FRMD5: variants seen among roughly 807,000 people sequenced by gnomAD.
FRMD5 encodes the protein FERM domain-containing protein 5.
FRMD5 carries 20 observed loss-of-function variants against 69.0 expected under a neutral mutation model. The observed-to-expected ratio is 0.29, with a 90% confidence interval of 0.20 to 0.42. FRMD5 has a LOEUF of 0.42. Among genes scored for constraint, FRMD5 ranks in the 10% least tolerant of loss-of-function variants. FRMD5 has a pLI of 1.00. For missense variants in FRMD5, 595 were observed against 708.6 expected, an observed-to-expected ratio of 0.84 and a Z score of 1.82; for synonymous variants, 271 against 260.1, an observed-to-expected ratio of 1.04 and a Z score of -0.40.
intron 1 of FRMD5, among the ~76,000 whole-genome samples, chr15:44,143,183 G>A (rs560722376): frequency 1.3e-5 from 2 of 152,222 alleles, no homozygotes; most frequent in African/African-American, 4.8e-5. Flanking sequence ...AAAACATGGG[G>A]CACCTATCCC....
intron 1 of FRMD5, among the ~76,000 whole-genome samples, chr15:44,089,689 CCAGAT>C (rs535241027): frequency 1.8e-4 from 28 of 151,874 alleles, no homozygotes; most frequent in Non-Finnish European, 3.5e-4. Context: ...GGCAACAGAG[CCAGAT>C]CCTACGTCAA....
chr15:44,115,608 A>C (rs2076857232), intron 1 of FRMD5, among the ~76,000 whole-genome samples: 1 of 152,234 alleles, frequency 6.6e-6, no homozygotes, highest in Non-Finnish European at 1.5e-5. Context: ...TTATGCACAT[A>C]ACTGAACCCC....
At position 43,891,820 on chromosome 15, in the gene FRMD5, A is replaced by C. The variant is rs138754661; in HGVS notation, c.728+161T>G. On this transcript the variant is annotated intron_variant, in intron 8 of 13. Transcript: ENST00000417257. Reference sequence around the variant, plus strand: ...ACCCCTTTAGAAGAAAAGGATCCCTAGGAAGAGACCACTCCCTTCGTCAGT... The same window carrying C: ...ACCCCTTTAGAAGAAAAGGATCCCTCGGAAGAGACCACTCCCTTCGTCAGT... 5.8e-3 allele frequency among the ~76,000 whole-genome samples: 883 copies of C among 152,246 alleles called. 4 individuals are homozygous for C. Among genetic ancestry groups the C allele is most frequent in the Non-Finnish European group, 9.3e-3 (635 of 67,984 alleles).
intron 13 of FRMD5, chr15:43,875,842 TA>T: frequency 8.4e-6 from 3 of 355,926 alleles, no homozygotes; most frequent in Non-Finnish European, 1.7e-5. Context: ...CAGTCTTTCA[TA>T]TGATTTTATT....
At chr15:43,983,951 C>T (rs1376437757) in intron 1 of FRMD5, among the ~76,000 whole-genome samples, 4 of 152,230 alleles carry the variant, frequency 2.6e-5, no homozygotes, top group Non-Finnish European at 5.9e-5. Flanking sequence ...TGCAGCTCTT[C>T]AGTCTTTAAA....
chr15:43,930,550 A>AT (rs1302423543), intron 1 of FRMD5, among the ~76,000 whole-genome samples: 2 of 152,198 alleles, frequency 1.3e-5, no homozygotes, highest in Non-Finnish European at 2.9e-5. Flanking sequence ...AAGTGGAGGG[A>AT]AATCAGAGCT....
chr15:44,032,893 A>G (rs936119070), intron 1 of FRMD5, among the ~76,000 whole-genome samples: 1 of 152,222 alleles, frequency 6.6e-6, no homozygotes, highest in Non-Finnish European at 1.5e-5. Flanking sequence ...ATTTTGCCAT[A>G]AAGACACATG....
chr15:44,046,153 C>T (rs1892419513), intron 1 of FRMD5, among the ~76,000 whole-genome samples: 3 of 152,116 alleles, frequency 2.0e-5, no homozygotes, highest in Non-Finnish European at 4.4e-5. Context: ...TGAAGTTCTC[C>T]TTTCATTGAA....
intron 1 of FRMD5, among the ~76,000 whole-genome samples, chr15:43,998,411 A>G (rs1890036906): frequency 6.6e-6 from 1 of 152,184 alleles, no homozygotes; most frequent in Non-Finnish European, 1.5e-5. Flanking sequence ...TGCACAGGTG[A>G]CCAAGGGTTC....
intron 13 of FRMD5, among the ~76,000 whole-genome samples, chr15:43,879,135 G>A (rs2088453156): frequency 1.3e-5 from 2 of 151,780 alleles, no homozygotes; most frequent in Non-Finnish European, 2.9e-5. Flanking sequence ...ATGGGGTTTC[G>A]CCATGTTGGC....
intron 1 of FRMD5, among the ~76,000 whole-genome samples, chr15:44,179,483 G>A (rs561906837): frequency 2.6e-5 from 4 of 152,252 alleles, no homozygotes; most frequent in African/African-American, 9.6e-5. Context: ...ATCAATTCCC[G>A]AGAACCTGAA....
intron 1 of FRMD5, among the ~76,000 whole-genome samples, chr15:44,083,678 G>C (rs1470108860): frequency 6.6e-6 from 1 of 152,034 alleles, no homozygotes; most frequent in East Asian, 1.9e-4. Flanking sequence ...TCAAGACGCT[G>C]AGATAAAAGT....
intron 1 of FRMD5, among the ~76,000 whole-genome samples, chr15:44,094,263 T>C (rs2140496736): frequency 6.6e-6 from 1 of 152,276 alleles, no homozygotes; most frequent in Admixed American, 6.5e-5. Context: ...GAGGCAGATA[T>C]GCAAACAAAA....
chr15:43,938,768 TTGAAGATTA>T lies in FRMD5; in HGVS notation c.103-14468_103-14460del, dbSNP rs1400744472. ...AAACCAGTAACTTAGCCAACAATATTTGAAGATTATGAAGCAAAAAATGAGCAGCATTTA... is the reference window on the plus strand; with the variant it reads ...AAACCAGTAACTTAGCCAACAATATTTGAAGCAAAAAATGAGCAGCATTTA... On this transcript the variant is annotated intron_variant, in intron 1 of 13. Coordinates refer to ENST00000417257, the MANE Select transcript of FRMD5 (RefSeq NM_032892.5). 9.2e-5 allele frequency among the ~76,000 whole-genome samples: 14 copies of T among 152,272 alleles called. No individual in the cohort carries two copies. In the South Asian group the frequency reaches 2.3e-3, roughly 25 times the overall value.
intron 1 of FRMD5, among the ~76,000 whole-genome samples, chr15:44,085,754 A>T (rs1033522530): frequency 6.6e-6 from 1 of 152,210 alleles, no homozygotes; most frequent in Non-Finnish European, 1.5e-5. Context: ...TGAGGAAGAG[A>T]GACAAGTTAA....
intron 1 of FRMD5, among the ~76,000 whole-genome samples, chr15:43,937,357 G>C (rs974936376): frequency 2.0e-5 from 3 of 152,162 alleles, no homozygotes; most frequent in Admixed American, 1.3e-4. Flanking sequence ...TTATTAAGAA[G>C]TGCTCTTCGG....
At chr15:44,084,795 C>A (rs1453291931) in intron 1 of FRMD5, among the ~76,000 whole-genome samples, 1 of 152,024 alleles carries the variant, frequency 6.6e-6, no homozygotes, top group Non-Finnish European at 1.5e-5. Context: ...AAATGTAAGA[C>A]ACTTCAATTG....
At chr15:43,921,698 G>C (rs1193542601) in intron 2 of FRMD5, among the ~76,000 whole-genome samples, 1 of 152,244 alleles carries the variant, frequency 6.6e-6, no homozygotes, top group African/African-American at 2.4e-5. Context: ...AAGATTCAGA[G>C]AGGAGGGTTT....
chr15:44,129,920 T>C (rs1177521478), intron 1 of FRMD5, among the ~76,000 whole-genome samples: 1 of 152,134 alleles, frequency 6.6e-6, no homozygotes, highest in East Asian at 1.9e-4. Flanking sequence ...AGCACATGGG[T>C]CAGCAAACTT....
Sources: allele counts gnomAD v4.1 joint callset (sites outside exome capture counted in the v4.1 genomes callset), GRCh38; gene constraint gnomAD v4.1.1; transcripts MANE v1.5; gene names NCBI Gene and HGNC (gene_info 2026-07-23, HGNC 2026-07-21).